The following SCAMP2 variants were observed in gnomAD, a reference collection of about 807,000 sequenced individuals.
SCAMP2 encodes secretory carrier membrane protein 2.
In SCAMP2, 25 loss-of-function variants were observed where a neutral mutation model predicts 44.1. The ratio of observed to expected loss-of-function variants is 0.57; its 90% confidence interval spans 0.41 to 0.79. The LOEUF is 0.79. Among genes scored for constraint, SCAMP2 ranks in the 30% least tolerant of loss-of-function variants. The probability of loss-of-function intolerance (pLI) is 0.00; values close to 1 mark genes in which losing one functional copy is unlikely to be tolerated. For missense variants in SCAMP2, 355 were observed against 411.0 expected (o/e 0.86, Z 1.18); for synonymous variants, 156 against 166.0 (o/e 0.94, Z 0.46).
At chr15:74,853,358 T>C (rs1567250719) in intron 3 of SCAMP2, 1 of 455,780 alleles carries the variant, frequency 2.2e-6, no homozygotes, top group Non-Finnish European at 4.4e-6. Flanking sequence ...CTCATCTACA[T>C]TAGGCCTACC....
chr15:74,849,852 A>C (rs1371639417), intron 6 of SCAMP2, among the ~76,000 whole-genome samples: 1 of 152,178 alleles, frequency 6.6e-6, no homozygotes, highest in Non-Finnish European at 1.5e-5. Context: ...AACAGGGGAC[A>C]CCAGACAAAA....
At chr15:74,862,555 G>A (rs982533177) in intron 1 of SCAMP2, among the ~76,000 whole-genome samples, 13 of 152,016 alleles carry the variant, frequency 8.6e-5, no homozygotes, top group Non-Finnish European at 1.8e-4. Flanking sequence ...CAGTCTGGGG[G>A]ACAGAGTGAG....
chr15:74,862,281 AAAAAAAAAT>A lies in SCAMP2; in HGVS notation c.58-7641_58-7633del, dbSNP rs1208104013. On this transcript the variant is annotated intron_variant, in intron 1 of 8. Coordinates refer to ENST00000268099, the MANE Select transcript of SCAMP2 (RefSeq NM_005697.5). ...CTGTCTCCAAAAAAAAAAAAAAAAA[AAAAAAAAAT>A]TCCTGGCCAGGTGCAATGGCTCACA... 1.0e-3 allele frequency among the ~76,000 whole-genome samples: 132 copies of A among 128,770 alleles called. 34 individuals are homozygous for A. The East Asian group carries it at 0.022, about 21-fold the overall frequency. 84.5% of individuals were successfully genotyped at this position (128,770 alleles called of 152,430 possible).
chr15:74,860,714 G>A (rs755652392), intron 1 of SCAMP2, among the ~76,000 whole-genome samples: 122 of 148,866 alleles, frequency 8.2e-4, no homozygotes, highest in Non-Finnish European at 1.5e-3. Context: ...AAAGCCAGGC[G>A]TGGTGGTGCA....
rs780603833 is a variant in SCAMP2, at chr15:74,850,651, C to G, written c.495G>C (p.Leu165=). Residue 165 remains leucine (L), a synonymous_variant, in exon 6 of 9, where the codon CTG becomes CTC. Transcript: ENST00000268099. Reference sequence around the variant, plus strand: ...ACCAGGCCAGGCAGGCAAGCAGGTTCAGAAACAGAGTCACTGAATGCACTG... The same window carrying G: ...ACCAGGCCAGGCAGGCAAGCAGGTTGAGAAACAGAGTCACTGAATGCACTG... ...LWMLHSVTLF[L]NLLACLAWFS... The G allele has an allele frequency of 6.2e-7, 1 of 1,613,984 alleles. No individual in the cohort carries two copies. The highest frequency in any genetic ancestry group is 8.5e-7 in the Non-Finnish European group (1 of 1,179,948).
At position 74,848,864 on chromosome 15, in the gene SCAMP2, C is replaced by A. The variant is rs139165614; in HGVS notation, c.633-163G>T. On this transcript the variant is annotated intron_variant, in intron 6 of 8. Transcript: ENST00000268099. ...ACCACCCGTAAGGACACGCACACAC[C>A]CCCCACCATAATCAAGAAGAGCTTG... Among the ~76,000 whole-genome samples, 308 of 152,092 alleles carry A rather than the reference C, an allele frequency of 2.0e-3. 8 individuals carry two copies. In the South Asian group the frequency reaches 0.031, roughly 15 times the overall value.
Position 74,844,325 on chromosome 15 carries a change from T to G in SCAMP2, c.*758A>C, listed in dbSNP as rs1310052495. On this transcript the variant is annotated 3_prime_UTR_variant, in exon 9 of 9. Transcript: ENST00000268099. ...CTTGGGGTCAGTGTCCTTGGTCCCT[T>G]CCAGTCCCCAAATCCCAACCAACGG... The G allele has an allele frequency of 6.6e-6, 1 of 152,100 alleles. No homozygotes were observed. The highest frequency in any genetic ancestry group is 1.5e-5 in the Non-Finnish European group (1 of 68,086). 9.4% of individuals were successfully genotyped at this position (152,100 alleles called of 1,614,324 possible). A position where few individuals can be genotyped will look rare whatever the true frequency, so the allele number is the denominator to read the frequency against.
At position 74,845,502 on chromosome 15, in the gene SCAMP2, C is replaced by A; in HGVS notation, c.826G>T (p.Ala276Ser). 1.9e-6 allele frequency: 3 copies of A among 1,614,162 alleles called. No homozygotes were observed. The highest frequency in any genetic ancestry group is 2.5e-6 in the Non-Finnish European group (3 of 1,180,024). Residue 276 changes from alanine (A) to serine (S), a missense_variant, in exon 8 of 9, where the codon GCC becomes TCC. Coordinates refer to ENST00000268099, the MANE Select transcript of SCAMP2 (RefSeq NM_005697.5). ...MVVAGFFTLC[A>S]VLSVFLLQRV... is the part of the protein sequence containing the mutation. ...TGCAGGAGGAAGACTGAGAGCACGG[C>A]ACAGAGGGTGAAGAAGCCAGCCACC...
At chr15:74,866,015 GA>G (rs869215297) in intron 1 of SCAMP2, among the ~76,000 whole-genome samples, 23 of 75,940 alleles carry the variant, frequency 3.0e-4, no homozygotes, top group South Asian at 2.0e-3. Context: ...AGGAAGGAAG[GA>G]AAGGAGGGAG....
chr15:74,848,747 T>C, intron 6 of SCAMP2, 46 bp from the exon 7 acceptor site: 1 of 1,372,116 alleles, frequency 7.3e-7, no homozygotes, highest in Non-Finnish European at 1.0e-6. Flanking sequence ...TTGGGCTGTG[T>C]TCCTCAGCAT....
At chr15:74,847,951 TG>T (rs1456113629) in intron 7 of SCAMP2, among the ~76,000 whole-genome samples, 1 of 151,992 alleles carries the variant, frequency 6.6e-6, no homozygotes, top group Non-Finnish European at 1.5e-5. Context: ...CAGGAGGGTG[TG>T]GCAGGAGAAA....
At position 74,863,505 on chromosome 15, in the gene SCAMP2, C is replaced by T. The variant is rs192427696; in HGVS notation, c.58-8856G>A. Among the ~76,000 whole-genome samples, 1,135 of 150,022 alleles carry T rather than the reference C, an allele frequency of 7.6e-3. 14 individuals are homozygous for T. The highest frequency in any genetic ancestry group is 0.026 in the African/African-American group (1,060 of 40,682). On this transcript the variant is annotated intron_variant, in intron 1 of 8. Transcript: ENST00000268099. ...TGGCCTGGGTGACAGAGACAGACCC[C>T]ATCTCCAAAAAAAAAAAAAACAGTA...
intron 1 of SCAMP2, among the ~76,000 whole-genome samples, chr15:74,869,980 G>T (rs889037474): frequency 6.6e-6 from 1 of 152,182 alleles, no homozygotes; most frequent in Non-Finnish European, 1.5e-5. Flanking sequence ...AGGAAAAGGT[G>T]GGCAGCTCTG....
intron 3 of SCAMP2, chr15:74,853,363 C>T (rs1376711413): frequency 2.2e-6 from 1 of 455,800 alleles, no homozygotes; most frequent in Non-Finnish European, 4.4e-6. Flanking sequence ...CTACATTAGG[C>T]CTACCTTCGG....
At chr15:74,867,601 A>G (rs1160940429) in intron 1 of SCAMP2, among the ~76,000 whole-genome samples, 1 of 152,252 alleles carries the variant, frequency 6.6e-6, no homozygotes, top group South Asian at 2.1e-4. Context: ...GTTATGGTCA[A>G]GCTGGGGCCA....
intron 1 of SCAMP2, among the ~76,000 whole-genome samples, chr15:74,866,781 G>A (rs1013761967): frequency 6.9e-6 from 1 of 145,248 alleles, no homozygotes; most frequent in Admixed American, 7.3e-5. Context: ...CACTCTCAGT[G>A]AGCATTTATT....
At chr15:74,859,796 CTT>C (rs2064491204) in intron 1 of SCAMP2, among the ~76,000 whole-genome samples, 1 of 151,948 alleles carries the variant, frequency 6.6e-6, no homozygotes, top group South Asian at 2.1e-4. Flanking sequence ...GAAAACCACA[CTT>C]GTCACTGGTT....
At chr15:74,865,071 T>G (rs1372746308) in intron 1 of SCAMP2, among the ~76,000 whole-genome samples, 1 of 64,194 alleles carries the variant, frequency 1.6e-5, no homozygotes, top group Non-Finnish European at 2.7e-5. Context: ...CCTGACTCTA[T>G]CTCAAAAAAA....
At chr15:74,853,730 G>A (rs989641561) in intron 3 of SCAMP2, 3 of 500,866 alleles carry the variant, frequency 6.0e-6, no homozygotes, top group Non-Finnish European at 1.1e-5. Context: ...AGGAGGACCT[G>A]GAGGGGTACA....
Sources: allele counts gnomAD v4.1 joint callset (sites outside exome capture counted in the v4.1 genomes callset), GRCh38; gene constraint gnomAD v4.1.1; transcripts MANE v1.5; gene names NCBI Gene and HGNC (gene_info 2026-07-23, HGNC 2026-07-21).